The following RTL4 variants were observed in gnomAD, a reference collection of about 807,000 sequenced individuals.
RTL4 encodes the protein retrotransposon Gag-like protein 4.
RTL4 carries 4 observed loss-of-function variants against 5.3 expected under a neutral mutation model. That is an observed-to-expected ratio of 0.75 (90% CI 0.37 to 1.72). The LOEUF (loss-of-function observed/expected upper bound fraction) is 1.72. Ranked by LOEUF, RTL4 falls within the 40% of genes most tolerant of loss-of-function variation. The probability of loss-of-function intolerance (pLI) is 0.04; values close to 1 mark genes in which losing one functional copy is unlikely to be tolerated. For synonymous variants in RTL4, 98 were observed against 87.3 expected, an observed-to-expected ratio of 1.12 and a Z score of -0.68; for missense variants, 260 against 227.1, an observed-to-expected ratio of 1.14 and a Z score of -0.93.
the RTL4 span, among the ~76,000 whole-genome samples, chrX:112,402,593 C>A: frequency 1.4e-4 from 16 of 110,950 alleles, no homozygotes; most frequent in Non-Finnish European, 2.3e-4. Flanking sequence ...GGAATACAGA[C>A]CTGTCTTGAT....
chrX:112,270,241 C>A, the RTL4 span, among the ~76,000 whole-genome samples: 1 of 112,101 alleles, frequency 8.9e-6, no homozygotes, highest in Non-Finnish European at 1.9e-5. Context: ...TCTTACGTGG[C>A]ATAACTGGTT....
chrX:112,310,476 T>A, the RTL4 span, among the ~76,000 whole-genome samples: 24 of 26,427 alleles, frequency 9.1e-4, no homozygotes, highest in Non-Finnish European at 1.3e-3. Flanking sequence ...ATATATAATA[T>A]AGAAATATAT....
chrX:112,101,702 G>A, the RTL4 span, among the ~76,000 whole-genome samples: 1 of 111,205 alleles, frequency 9.0e-6, no homozygotes, highest in Non-Finnish European at 1.9e-5. Context: ...CCATCTTGAA[G>A]CTCAGAATGT....
the RTL4 span, among the ~76,000 whole-genome samples, chrX:112,173,758 C>G: frequency 8.2e-5 from 9 of 110,065 alleles, no homozygotes; most frequent in African/African-American, 3.0e-4. Flanking sequence ...AGGATTGAGA[C>G]TAAATGGAGA....
chrX:112,426,850 C>T, the RTL4 span, among the ~76,000 whole-genome samples: 1 of 110,720 alleles, frequency 9.0e-6, no homozygotes, highest in African/African-American at 3.3e-5. Flanking sequence ...ACATGTTCTG[C>T]ACTTGCATCC....
the RTL4 span, among the ~76,000 whole-genome samples, chrX:112,423,807 C>T: frequency 9.0e-6 from 1 of 111,641 alleles, no homozygotes; most frequent in African/African-American, 3.3e-5. Context: ...GTTTATCTTC[C>T]CTGGCTTCAA....
chrX:112,326,330 G>A, the RTL4 span, among the ~76,000 whole-genome samples: 4 of 111,791 alleles, frequency 3.6e-5, no homozygotes, highest in African/African-American at 1.3e-4. Flanking sequence ...GCAAGGCATT[G>A]CCTCACTCGG....
the RTL4 span, among the ~76,000 whole-genome samples, chrX:112,438,302 C>A: frequency 9.0e-6 from 1 of 111,514 alleles, no homozygotes; most frequent in South Asian, 3.8e-4. Context: ...GGCCTTGGCT[C>A]CTTACCCTGT....
chrX:112,432,230 C>G, the RTL4 span, among the ~76,000 whole-genome samples: 3 of 98,273 alleles, frequency 3.1e-5, no homozygotes, highest in Non-Finnish European at 6.2e-5. Context: ...ATTTATAGTC[C>G]TTTGGGTATA....
chrX:112,190,168 C>CTTTCTTTCTTTCTTTCTT, the RTL4 span, among the ~76,000 whole-genome samples: 3 of 90,475 alleles, frequency 3.3e-5, no homozygotes, highest in African/African-American at 1.3e-4. Context: ...TTCTTTCTTT[C>CTTTCTTTCTTTCTTTCTT]TTTCTTTCTT....
exon 1 of RTL4, chrX:112,455,946 G>T (rs1926835964): frequency 3.0e-6 from 1 of 338,483 alleles, no homozygotes; most frequent in Non-Finnish European, 5.2e-6. Flanking sequence ...TGCCCAGTCT[G>T]AGCCAATGAA....
the RTL4 span, among the ~76,000 whole-genome samples, chrX:112,172,810 A>C: frequency 8.9e-6 from 1 of 111,966 alleles, no homozygotes; most frequent in East Asian, 2.8e-4. Flanking sequence ...TACATATACT[A>C]CATGGAATAC....
the RTL4 span, among the ~76,000 whole-genome samples, chrX:112,146,310 C>A: frequency 9.1e-6 from 1 of 110,407 alleles, no homozygotes; most frequent in African/African-American, 3.3e-5. Flanking sequence ...GGAGCATTTA[C>A]TGAAATGAGG....
At chrX:112,202,537 C>CATTATT in the RTL4 span, among the ~76,000 whole-genome samples, 826 of 97,125 alleles carry the variant, frequency 8.5e-3, 1 homozygote, top group African/African-American at 9.3e-3. Flanking sequence ...TAGTTTTATT[C>CATTATT]ATTATTATTA....
chrX:112,274,169 A>G, the RTL4 span, among the ~76,000 whole-genome samples: 1 of 111,878 alleles, frequency 8.9e-6, no homozygotes, highest in Non-Finnish European at 1.9e-5. Flanking sequence ...ACTGCTCTAT[A>G]TAGTAAGGCC....
chrX:112,431,328 T>C, the RTL4 span, among the ~76,000 whole-genome samples: 1 of 111,865 alleles, frequency 8.9e-6, no homozygotes, highest in Admixed American at 9.5e-5. Flanking sequence ...TTAAAATGTT[T>C]CATATTTCTT....
At chrX:112,341,663 C>T in the RTL4 span, among the ~76,000 whole-genome samples, 3 of 111,626 alleles carry the variant, frequency 2.7e-5, no homozygotes, top group Non-Finnish European at 1.9e-5. Flanking sequence ...AAAAAAATAG[C>T]TCTCTTATTC....
At chrX:112,116,232 C>A in the RTL4 span, among the ~76,000 whole-genome samples, 1 of 111,666 alleles carries the variant, frequency 9.0e-6, no homozygotes, top group African/African-American at 3.3e-5. Flanking sequence ...TCCAATGGTA[C>A]TCACCACTTG....
the RTL4 span, among the ~76,000 whole-genome samples, chrX:112,301,053 G>A: frequency 3.6e-5 from 4 of 111,341 alleles, no homozygotes; most frequent in African/African-American, 6.5e-5. Context: ...GTGGGAATTG[G>A]GTTCAATACG....
Sources: allele counts gnomAD v4.1 joint callset (sites outside exome capture counted in the v4.1 genomes callset), GRCh38; gene constraint gnomAD v4.1.1; transcripts MANE v1.5; gene names NCBI Gene and HGNC (gene_info 2026-07-23, HGNC 2026-07-21).